TRPC4: variants seen among roughly 807,000 people sequenced by gnomAD.
TRPC4 encodes the protein short transient receptor potential channel 4.
TRPC4 carries 49 observed loss-of-function variants against 99.4 expected under a neutral mutation model. The ratio of observed to expected loss-of-function variants is 0.49; its 90% CI spans 0.39 to 0.63. The LOEUF is 0.63. Ranked by LOEUF, TRPC4 falls within the 20% of genes least tolerant of loss-of-function variation. TRPC4 has a pLI of 0.00. For missense variants in TRPC4, 898 were observed against 1,152.9 expected (o/e 0.78, Z 3.20); for synonymous variants, 454 against 425.9 (o/e 1.07, Z -0.81).
At chr13:37,741,683 A>G (rs998019598) in intron 3 of TRPC4, among the ~76,000 whole-genome samples, 1 of 152,194 alleles carries the variant, frequency 6.6e-6, no homozygotes, top group Admixed American at 6.6e-5. Flanking sequence ...CTTCATGTCA[A>G]AATGCAAGGC....
rs1288067772 is a variant in TRPC4 at position 37,636,758 on chromosome 13, T to G, written c.*145A>C. 16 of 1,047,148 alleles carry G rather than the reference T, an allele frequency of 1.5e-5. No individual in the cohort carries two copies. Among genetic ancestry groups the G allele is most frequent in the Non-Finnish European group, 2.1e-5 (16 of 776,516 alleles). 64.9% of individuals were successfully genotyped at this position (1,047,148 alleles called of 1,614,324 possible). On this transcript the variant is annotated 3_prime_UTR_variant, in exon 11 of 11. Coordinates refer to ENST00000379705, the MANE Select transcript of TRPC4 (RefSeq NM_016179.4). ...GGTTTTTGATTGCCTTTGCCTTATT[T>G]AAACATGTTACAGGTAATATGCCAC...
At chr13:37,810,818 T>G (rs1764490764) in intron 1 of TRPC4, among the ~76,000 whole-genome samples, 1 of 152,094 alleles carries the variant, frequency 6.6e-6, no homozygotes, top group African/African-American at 2.4e-5. Context: ...CCTATGAATA[T>G]ATACCTTGGT....
At chr13:37,773,510 C>T (rs1956613859) in intron 2 of TRPC4, among the ~76,000 whole-genome samples, 2 of 151,736 alleles carry the variant, frequency 1.3e-5, no homozygotes, top group African/African-American at 4.8e-5. Flanking sequence ...AACAAAGATT[C>T]GAAGGCTGCT....
At chr13:37,683,852 GAGA>G (rs1266966822) in intron 4 of TRPC4, among the ~76,000 whole-genome samples, 24 of 152,148 alleles carry the variant, frequency 1.6e-4, no homozygotes, top group African/African-American at 5.1e-4. Flanking sequence ...TTATTGGGAA[GAGA>G]AGATCTTTAA....
chr13:37,838,198 C>T lies in TRPC4; in HGVS notation c.-28+31397G>A, dbSNP rs568653037. Among the ~76,000 whole-genome samples the T allele has an allele frequency of 2.2e-4, 34 of 152,302 alleles. 1 individual carries two copies. Among genetic ancestry groups the T allele is most frequent in the Admixed American group, 2.2e-3 (34 of 15,288 alleles). ...ATATTCCAAACTTCTTATCCAACCA[C>T]ATGGAAATACTGCAACATTAAAATA... On this transcript the variant is annotated intron_variant, in intron 1 of 10. Transcript: ENST00000379705.
At chr13:37,718,052 A>G (rs1300402158) in intron 3 of TRPC4, among the ~76,000 whole-genome samples, 1 of 152,056 alleles carries the variant, frequency 6.6e-6, no homozygotes, top group Non-Finnish European at 1.5e-5. Flanking sequence ...CTCTGAAAAT[A>G]TGAATAATAA....
intron 3 of TRPC4, among the ~76,000 whole-genome samples, chr13:37,709,482 A>G (rs1482568078): frequency 1.3e-5 from 2 of 152,032 alleles, no homozygotes; most frequent in Admixed American, 6.6e-5. Context: ...ACAATTTTAT[A>G]TTTGAAACAA....
At chr13:37,685,483 G>C (rs536177534) in intron 4 of TRPC4, among the ~76,000 whole-genome samples, 1 of 152,024 alleles carries the variant, frequency 6.6e-6, no homozygotes, top group African/African-American at 2.4e-5. Flanking sequence ...TGTGAAGTTC[G>C]AACAAAAGAA....
chr13:37,651,690 C>G (rs1374358728), intron 7 of TRPC4, among the ~76,000 whole-genome samples: 1 of 152,188 alleles, frequency 6.6e-6, no homozygotes, highest in African/African-American at 2.4e-5. Context: ...TTCAGTGAAA[C>G]AGACATCTAA....
At chr13:37,820,902 T>C (rs1313821738) in intron 1 of TRPC4, among the ~76,000 whole-genome samples, 1 of 151,946 alleles carries the variant, frequency 6.6e-6, no homozygotes, top group Admixed American at 6.6e-5. Flanking sequence ...CTCTCACCAC[T>C]CCTACTGAAG....
rs565713567 is a variant in TRPC4 at position 37,835,690 on chromosome 13, TA to T, written c.-28+33904del. ...GTGAGTAGCCAAAAAAAGAGGAAGA[TA>T]ACAAATGTTTTGTATCCTAGCTATT... On this transcript the variant is annotated intron_variant, in intron 1 of 10. Transcript: ENST00000379705. Among the ~76,000 whole-genome samples, 26 of 152,286 alleles carry T rather than the reference TA, an allele frequency of 1.7e-4. No homozygotes were observed. The South Asian group carries it at 5.4e-3, about 32-fold the overall frequency.
intron 1 of TRPC4, among the ~76,000 whole-genome samples, chr13:37,842,343 C>CAAAAAAAAAAAAAAA (rs57428116): frequency 6.4e-5 from 1 of 15,648 alleles, no homozygotes; most frequent in African/African-American, 1.9e-4. Flanking sequence ...AGCGTCTAGC[C>CAAAAAAAAAAAAAAA]AAAAAAAAAA....
intron 8 of TRPC4, among the ~76,000 whole-genome samples, chr13:37,651,026 T>A (rs1952028521): frequency 6.6e-6 from 1 of 152,168 alleles, no homozygotes; most frequent in South Asian, 2.1e-4. Context: ...GAGGGCTGTG[T>A]GAAGAGCGGG....
intron 1 of TRPC4, among the ~76,000 whole-genome samples, chr13:37,847,403 A>G (rs1221988145): frequency 6.6e-6 from 1 of 152,132 alleles, no homozygotes; most frequent in Non-Finnish European, 1.5e-5. Flanking sequence ...AGGAAAATAC[A>G]CAAGCATGTG....
At chr13:37,716,705 A>C (rs563999456) in intron 3 of TRPC4, among the ~76,000 whole-genome samples, 1 of 152,250 alleles carries the variant, frequency 6.6e-6, no homozygotes, top group South Asian at 2.1e-4. Context: ...ATTTCAGATA[A>C]ACAGATCTTA....
chr13:37,664,433 G>A (rs1952567471), intron 5 of TRPC4, among the ~76,000 whole-genome samples: 1 of 152,036 alleles, frequency 6.6e-6, no homozygotes, highest in Non-Finnish European at 1.5e-5. Flanking sequence ...AAATAGCCAG[G>A]TGTGGTGGCG....
chr13:37,659,295 C>T (rs1179470420), intron 6 of TRPC4, among the ~76,000 whole-genome samples: 2 of 147,734 alleles, frequency 1.4e-5, no homozygotes, highest in Non-Finnish European at 3.0e-5. Context: ...GACCCCTGCA[C>T]CTCCCTCCCT....
chr13:37,733,714 G>A (rs1028267680), intron 3 of TRPC4, among the ~76,000 whole-genome samples: 6 of 151,970 alleles, frequency 3.9e-5, no homozygotes, highest in Admixed American at 6.6e-5. Flanking sequence ...CTGCCCACCC[G>A]GATTTATGAT....
intron 1 of TRPC4, among the ~76,000 whole-genome samples, chr13:37,823,331 T>C (rs368318238): frequency 1.3e-5 from 2 of 151,432 alleles, no homozygotes; most frequent in African/African-American, 2.4e-5. Flanking sequence ...GTGTTTTAGA[T>C]ATGAAGTCCT....
Sources: gnomAD v4.1 joint callset for allele counts (sites outside exome capture counted in the v4.1 genomes callset) on GRCh38, gnomAD v4.1.1 for gene constraint, MANE v1.5 for transcripts, NCBI Gene and HGNC (gene_info 2026-07-23, HGNC 2026-07-21) for gene names.